PARP11: variants seen among roughly 807,000 people sequenced by gnomAD.
The protein encoded by PARP11 is poly(ADP-ribose) polymerase family member 11.
In PARP11, 31 loss-of-function variants were observed where a neutral mutation model predicts 42.9. That is an observed-to-expected ratio of 0.72 (90% confidence interval 0.54 to 0.98). The LOEUF (loss-of-function observed/expected upper bound fraction) is 0.98, where lower values mean the gene tolerates loss of function less well. PARP11 is among the 50% of genes least tolerant of loss of function. The pLI is 0.00. For missense variants in PARP11, 365 were observed against 413.1 expected (o/e 0.88, Z 1.01); for synonymous variants, 137 against 127.3 (o/e 1.08, Z -0.51).
intron 1 of PARP11, among the ~76,000 whole-genome samples, chr12:3,855,765 G>GA (rs1474142413): frequency 5.3e-5 from 8 of 152,032 alleles, no homozygotes; most frequent in Non-Finnish European, 1.0e-4. Flanking sequence ...CACAGAATTG[G>GA]AAAAAACTAC....
rs547051507 is a variant in PARP11 at position 3,809,870 on chromosome 12, A to G, written c.*2253T>C. The G allele has an allele frequency of 3.3e-5, 5 of 152,174 alleles. No individual in the cohort carries two copies. Among genetic ancestry groups the G allele is most frequent in the African/African-American group, 1.2e-4 (5 of 41,442 alleles). The allele number at this position is 152,174 out of a possible 1,614,324, so 9.4% of individuals were successfully genotyped here. The stretch of plus-strand genomic sequence containing the variant: ...ATGCTTTTTAAAGCGCTTTTTCTAA[A>G]TATTCTCAGCACTTCATCTAAACCA... On this transcript the variant is annotated 3_prime_UTR_variant, in exon 8 of 8. Coordinates refer to ENST00000228820, the MANE Select transcript of PARP11 (RefSeq NM_020367.6).
chr12:3,869,994 G>A (rs1948446974), intron 1 of PARP11, among the ~76,000 whole-genome samples: 1 of 152,094 alleles, frequency 6.6e-6, no homozygotes, highest in Non-Finnish European at 1.5e-5. Context: ...ATGATTCGTG[G>A]CCCCAGGCAG....
In PARP11 at chr12:3,835,607, A is replaced by C. The variant is rs80129868; in HGVS notation, c.19-5589T>G. ...AAAGCAATTATTACAAATATGCTCAAAGACATAAATGAAACTTTGCTTAAC... is the reference window on the plus strand; with the variant it reads ...AAAGCAATTATTACAAATATGCTCACAGACATAAATGAAACTTTGCTTAAC... On this transcript the variant is annotated intron_variant, in intron 1 of 7. Transcript: ENST00000228820. Among the ~76,000 whole-genome samples, 6 of 152,340 alleles carry C rather than the reference A, an allele frequency of 3.9e-5. No individual in the cohort carries two copies. In the East Asian group the frequency reaches 1.2e-3, roughly 29 times the overall value.
At position 3,811,780 on chromosome 12, in the gene PARP11, C is replaced by A; in HGVS notation, c.*343G>T. ...ATTTATACGAATAAGTCTATTTAAA[C>A]TAAAATCATTTATCCTGATAACACA... On this transcript the variant is annotated 3_prime_UTR_variant, in exon 8 of 8. Coordinates refer to ENST00000228820, the MANE Select transcript of PARP11 (RefSeq NM_020367.6). 4.9e-6 allele frequency: 1 copy of A among 205,670 alleles called. No homozygotes were observed. The highest frequency in any genetic ancestry group is 9.6e-6 in the Non-Finnish European group (1 of 104,556). 12.7% of individuals were successfully genotyped at this position (205,670 alleles called of 1,614,324 possible).
At chr12:3,846,280 A>T (rs1300593188) in intron 1 of PARP11, among the ~76,000 whole-genome samples, 1 of 152,098 alleles carries the variant, frequency 6.6e-6, no homozygotes, top group Non-Finnish European at 1.5e-5. Context: ...TATTTAAAAA[A>T]AAAAAGAAAA....
intron 1 of PARP11, chr12:3,842,607 T>C: frequency 1.2e-6 from 1 of 858,338 alleles, no homozygotes; most frequent in Non-Finnish European, 1.8e-6. Flanking sequence ...AAAACCCCAG[T>C]TGGAACTCTT....
At chr12:3,821,848 A>G in intron 6 of PARP11, 25 bp downstream of exon 6, 1 of 1,589,808 alleles carries the variant, frequency 6.3e-7, no homozygotes, top group Non-Finnish European at 8.5e-7. Context: ...GGAAAGGAGA[A>G]GTTTCAGATT....
chr12:3,851,102 T>TA (rs1246622130), intron 1 of PARP11, among the ~76,000 whole-genome samples: 1 of 152,170 alleles, frequency 6.6e-6, no homozygotes, highest in Non-Finnish European at 1.5e-5. Context: ...ACAGGCATGT[T>TA]ACAGAAATTT....
chr12:3,821,670 T>C (rs1364269582), intron 6 of PARP11, among the ~76,000 whole-genome samples: 1 of 152,252 alleles, frequency 6.6e-6, no homozygotes, highest in East Asian at 1.9e-4. Flanking sequence ...AAGGAGCTTC[T>C]CACATTGCAA....
intron 1 of PARP11, among the ~76,000 whole-genome samples, chr12:3,864,235 C>T (rs1463798897): frequency 6.6e-6 from 1 of 152,222 alleles, no homozygotes; most frequent in Non-Finnish European, 1.5e-5. Flanking sequence ...TGGTGAATTA[C>T]ATTGATGGCT....
At chr12:3,834,649 AAAG>A (rs1405577978) in intron 1 of PARP11, among the ~76,000 whole-genome samples, 14 of 151,570 alleles carry the variant, frequency 9.2e-5, no homozygotes, top group African/African-American at 3.2e-4. Context: ...AAAAAAAAAA[AAAG>A]AAAGAAAGAA....
chr12:3,842,115 C>A lies in PARP11; in HGVS notation c.19-12097G>T. On this transcript the variant is annotated intron_variant, in intron 1 of 7. Coordinates refer to ENST00000228820, the MANE Select transcript of PARP11 (RefSeq NM_020367.6). ...AGAAATTGTGCCTGTTGAACTTGAA[C>A]CTAAAAGGACCATTCAAAGTCTGAA... 3 of 1,610,730 alleles carry A rather than the reference C, an allele frequency of 1.9e-6. No homozygotes were observed. In the South Asian group the frequency reaches 3.3e-5, roughly 18 times the overall value.
intron 1 of PARP11, chr12:3,842,467 G>C (rs1947910578): frequency 6.2e-7 from 1 of 1,607,042 alleles, no homozygotes; most frequent in Non-Finnish European, 8.5e-7. Flanking sequence ...ATTTAGGGGA[G>C]ATAGGAGGAG....
intron 1 of PARP11, among the ~76,000 whole-genome samples, chr12:3,847,933 C>T (rs949982598): frequency 6.6e-6 from 1 of 151,988 alleles, no homozygotes; most frequent in African/African-American, 2.4e-5. Context: ...AAAACTCCAC[C>T]AAAAATTATT....
chr12:3,830,579 T>A (rs1397246051), intron 1 of PARP11, among the ~76,000 whole-genome samples: 1 of 152,214 alleles, frequency 6.6e-6, no homozygotes, highest in Non-Finnish European at 1.5e-5. Context: ...CACACATATA[T>A]AGAAAAAAGT....
chr12:3,873,140 C>T (rs1237773581), intron 1 of PARP11, 72 bp downstream of exon 1: 1 of 1,338,090 alleles, frequency 7.5e-7, no homozygotes, highest in Non-Finnish European at 1.0e-6. Flanking sequence ...GAAGCAGTTC[C>T]GGTGACCCCC....
chr12:3,860,367 G>A (rs1001986035), intron 1 of PARP11, among the ~76,000 whole-genome samples: 5 of 152,098 alleles, frequency 3.3e-5, no homozygotes, highest in Admixed American at 2.6e-4. Context: ...GAGATCATCC[G>A]GGATGCTTCC....
Position 3,829,008 on chromosome 12 carries a change from G to A in PARP11, c.170C>T (p.Ser57Leu). Reference sequence around the variant, plus strand: ...TTTTTCGATATCTTCACTGCTAACTGAACACTGACTGTTGGTATCCGGCTT... The same window carrying A: ...TTTTTCGATATCTTCACTGCTAACTAAACACTGACTGTTGGTATCCGGCTT... ...MFQPDTNSQC[S>L]VSSEDIEKSF... Residue 57 changes from serine (S) to leucine (L), a missense_variant, in exon 3 of 8, where the codon TCA becomes TTA. Ser to Leu is a moderately radical substitution (Grantham distance 145). Transcript: ENST00000228820. 1 of 1,613,986 alleles carries A rather than the reference G, an allele frequency of 6.2e-7. No individual in the cohort carries two copies. Among genetic ancestry groups the A allele is most frequent in the Non-Finnish European group, 8.5e-7 (1 of 1,179,902 alleles).
At chr12:3,825,734 A>AT (rs955546714) in intron 4 of PARP11, among the ~76,000 whole-genome samples, 2 of 152,006 alleles carry the variant, frequency 1.3e-5, no homozygotes, top group Non-Finnish European at 2.9e-5. Flanking sequence ...TAATTAGTTT[A>AT]TTTTTTTGAG....
Sources: allele counts gnomAD v4.1 joint callset (sites outside exome capture counted in the v4.1 genomes callset), GRCh38; gene constraint gnomAD v4.1.1; transcripts MANE v1.5; gene names NCBI Gene and HGNC (gene_info 2026-07-23, HGNC 2026-07-21).